The following SYNRG variants were observed in gnomAD, a reference collection of about 807,000 sequenced individuals.
SYNRG encodes AP1 gamma subunit binding protein 1.
Under a neutral mutation model 130.9 loss-of-function variants are expected in SYNRG, and 37 were observed. The observed-to-expected ratio is 0.28, with a 90% confidence interval of 0.22 to 0.37. The LOEUF is 0.37. Ranked by LOEUF, SYNRG falls within the 10% of genes least tolerant of loss-of-function variation. The pLI is 1.00. For missense variants in SYNRG, 1,338 were observed against 1,588.9 expected (o/e 0.84, Z 2.68); for synonymous variants, 539 against 568.1 (o/e 0.95, Z 0.73).
At chr17:37,541,374 G>T in intron 15 of SYNRG, 1 of 524,774 alleles carries the variant, frequency 1.9e-6, no homozygotes, top group Non-Finnish European at 2.4e-6. Flanking sequence ...GATTATGGTA[G>T]GAGAGAGAGA....
chr17:37,545,247 T>C (rs2058174853), intron 14 of SYNRG, among the ~76,000 whole-genome samples: 1 of 151,306 alleles, frequency 6.6e-6, no homozygotes, highest in Non-Finnish European at 1.5e-5. Context: ...ATAATAATAA[T>C]TAGCTGGGCG....
chr17:37,559,813 T>C lies in SYNRG; in HGVS notation c.1663+1382A>G, dbSNP rs537256402. Among the ~76,000 whole-genome samples the C allele has an allele frequency of 9.8e-4, 149 of 152,330 alleles. 1 individual carries two copies. Among genetic ancestry groups the C allele is most frequent in the Admixed American group, 3.9e-3 (60 of 15,306 alleles). On this transcript the variant is annotated intron_variant, in intron 13 of 21. Transcript: ENST00000612223. ...GCAGTGTAATAAATCAGAGTAACCA[T>C]GGCTCTCATTTGACAAGGGAATTTA... is the stretch of plus-strand genomic sequence containing the variant.
chr17:37,546,670 A>C (rs1209740855), intron 14 of SYNRG, among the ~76,000 whole-genome samples: 1 of 152,218 alleles, frequency 6.6e-6, no homozygotes. Flanking sequence ...ATTCCCAGGG[A>C]CATTTGCTAA....
At position 37,553,382 on chromosome 17, in the gene SYNRG, A is replaced by G. The variant is rs769894640; in HGVS notation, c.2341T>C (p.Ser781Pro). 2 of 1,614,182 alleles carry G rather than the reference A, an allele frequency of 1.2e-6. No homozygotes were observed. The highest frequency in any genetic ancestry group is 1.7e-6 in the Non-Finnish European group (2 of 1,180,030). ...KSDDDFADFH[S>P]SKFSSINSDK... ...GAGTTTATGGAAGAAAATTTACTGG[A>G]GTGGAAGTCAGCAAAATCATCATCA... Residue 781 changes from serine to proline, a missense_variant, in exon 14 of 22, where the codon TCC becomes CCC. Physicochemically the swap from Ser to Pro is moderately conservative, Grantham distance 74. Transcript: ENST00000612223.
intron 5 of SYNRG, 23 bp from the exon 6 acceptor site, chr17:37,584,782 G>C (rs1010218687): frequency 6.4e-7 from 1 of 1,554,696 alleles, no homozygotes; most frequent in Non-Finnish European, 8.9e-7. Context: ...AAATATATGC[G>C]TATTTCTTTA....
At chr17:37,565,585 A>G (rs930925351) in intron 11 of SYNRG, among the ~76,000 whole-genome samples, 14 of 148,714 alleles carry the variant, frequency 9.4e-5, no homozygotes, top group African/African-American at 3.3e-4. Flanking sequence ...CCGCCATCCC[A>G]TCTAGGAAGT....
chr17:37,590,828 G>A (rs758608058), intron 3 of SYNRG, among the ~76,000 whole-genome samples: 17 of 152,090 alleles, frequency 1.1e-4, no homozygotes, highest in Non-Finnish European at 2.1e-4. Flanking sequence ...GCTGAGGCAG[G>A]AGAATTGCTT....
At chr17:37,530,430 T>TA (rs1302680169) in intron 19 of SYNRG, among the ~76,000 whole-genome samples, 57 of 152,324 alleles carry the variant, frequency 3.7e-4, no homozygotes, top group African/African-American at 1.2e-3. Flanking sequence ...CACATCCTTC[T>TA]CTACCCCACA....
At chr17:37,581,245 T>G (rs1239958348) in intron 6 of SYNRG, among the ~76,000 whole-genome samples, 1 of 151,570 alleles carries the variant, frequency 6.6e-6, no homozygotes, top group Non-Finnish European at 1.5e-5. Context: ...TATTTTATTG[T>G]TGCTTCTTCA....
chr17:37,525,275 AATAT>A (rs2055694826), intron 19 of SYNRG, among the ~76,000 whole-genome samples: 1 of 152,194 alleles, frequency 6.6e-6, no homozygotes, highest in Non-Finnish European at 1.5e-5. Context: ...GATTTAAAAA[AATAT>A]ATACATATTA....
rs2054529774 is a variant in SYNRG, at chr17:37,517,663, C to T, written c.*1277G>A. 2 of 152,210 alleles carry T rather than the reference C, an allele frequency of 1.3e-5. No homozygotes were observed. Among genetic ancestry groups the T allele is most frequent in the Admixed American group, 1.3e-4 (2 of 15,282 alleles). 9.4% of individuals were successfully genotyped at this position (152,210 alleles called of 1,614,324 possible). On this transcript the variant is annotated 3_prime_UTR_variant, in exon 22 of 22. Coordinates refer to ENST00000612223, the MANE Select transcript of SYNRG (RefSeq NM_007247.6). ...GCAGCAATTATATAGACAAGACCAA[C>T]TTTTTCAGTTTAAAAATAAAAGTCT...
intron 13 of SYNRG, among the ~76,000 whole-genome samples, chr17:37,559,102 C>A (rs902050052): frequency 6.6e-6 from 1 of 152,164 alleles, no homozygotes; most frequent in Non-Finnish European, 1.5e-5. Context: ...TGTATGAGAG[C>A]TGTGTCCTAC....
chr17:37,540,531 C>T lies in SYNRG; in HGVS notation c.3215G>A (p.Arg1072Lys). 1 of 1,614,000 alleles carries T rather than the reference C, an allele frequency of 6.2e-7. No homozygotes were observed. Among genetic ancestry groups the T allele is most frequent in the Non-Finnish European group, 8.5e-7 (1 of 1,179,996 alleles). ...FDLSVQGSHK[R>K]SLSLGDKEIS... Reference sequence around the variant, plus strand: ...TTCTTTATCACCAAGGCTCAAACTCCTCTTGTGTGATCCTGGGAGAAGGGG... The same window carrying T: ...TTCTTTATCACCAAGGCTCAAACTCTTCTTGTGTGATCCTGGGAGAAGGGG... Residue 1072 changes from arginine (R) to lysine (K), a missense_variant, in exon 16 of 22, where the codon AGG (arginine) becomes AAG (lysine). Transcript: ENST00000612223.
intron 16 of SYNRG, 131 bp downstream of exon 16, chr17:37,540,249 T>C (rs1214373783): frequency 1.8e-6 from 2 of 1,108,542 alleles, no homozygotes; most frequent in East Asian, 4.8e-5. Context: ...TTTAATTACA[T>C]AGTTTATGTC....
chr17:37,556,422 G>T (rs2145488664), intron 13 of SYNRG, among the ~76,000 whole-genome samples: 1 of 151,882 alleles, frequency 6.6e-6, no homozygotes, highest in East Asian at 1.9e-4. Flanking sequence ...TTGCACTCCA[G>T]CCTGGGCAAC....
chr17:37,592,349 T>C (rs113569662), intron 3 of SYNRG, among the ~76,000 whole-genome samples: 109 of 152,278 alleles, frequency 7.2e-4, no homozygotes, highest in African/African-American at 2.5e-3. Context: ...CCGGTGGGAA[T>C]GTAAAATAGT....
intron 14 of SYNRG, among the ~76,000 whole-genome samples, chr17:37,547,009 T>C (rs2058335283): frequency 1.3e-5 from 2 of 152,192 alleles, no homozygotes; most frequent in African/African-American, 2.4e-5. Flanking sequence ...CTGTGTCCTA[T>C]AAGTCTCAAA....
chr17:37,527,426 G>A, intron 19 of SYNRG, among the ~76,000 whole-genome samples: 1 of 152,096 alleles, frequency 6.6e-6, no homozygotes, highest in East Asian at 1.9e-4. Context: ...TCTGTGCCTG[G>A]AGGAGACATG....
chr17:37,571,150 G>A (rs1206304768), intron 9 of SYNRG, among the ~76,000 whole-genome samples: 1 of 152,122 alleles, frequency 6.6e-6, no homozygotes, highest in Non-Finnish European at 1.5e-5. Context: ...CATTTAAAAT[G>A]ACTTTGCAAT....
Sources: gnomAD v4.1 joint callset for allele counts (sites outside exome capture counted in the v4.1 genomes callset) on GRCh38, gnomAD v4.1.1 for gene constraint, MANE v1.5 for transcripts, NCBI Gene and HGNC (gene_info 2026-07-23, HGNC 2026-07-21) for gene names.